CNTN1: variants seen among roughly 807,000 people sequenced by gnomAD.
The protein encoded by CNTN1 is contactin-1.
In CNTN1, 38 loss-of-function variants were observed where a neutral mutation model predicts 126.4. That is an observed-to-expected ratio of 0.30 (90% CI 0.23 to 0.39). CNTN1 has a LOEUF of 0.39. Ranked by LOEUF, CNTN1 falls within the 10% of genes least tolerant of loss-of-function variation. CNTN1 has a pLI of 1.00. For missense variants in CNTN1, 1,009 were observed against 1,248.4 expected, an observed-to-expected ratio of 0.81 and a Z score of 2.89; for synonymous variants, 413 against 422.6, an observed-to-expected ratio of 0.98 and a Z score of 0.28.
At chr12:41,047,891 C>G (rs1042635874) in intron 23 of CNTN1, among the ~76,000 whole-genome samples, 1 of 152,044 alleles carries the variant, frequency 6.6e-6, no homozygotes, top group Non-Finnish European at 1.5e-5. Context: ...TTACTCTTAC[C>G]TCTGGTACTC....
intron 22 of CNTN1, 137 bp from the exon 23 acceptor site, chr12:41,028,926 A>G (rs1949087832): frequency 2.3e-6 from 2 of 860,634 alleles, no homozygotes; most frequent in African/African-American, 1.7e-5. Flanking sequence ...CTAGTTTTAA[A>G]TTTAGTTTTT....
intron 1 of CNTN1, among the ~76,000 whole-genome samples, chr12:40,719,999 G>A (rs926856823): frequency 6.1e-5 from 9 of 147,082 alleles, no homozygotes; most frequent in Non-Finnish European, 1.0e-4. Context: ...ACCACGCCCG[G>A]TTAATTTTTT....
chr12:41,002,793 G>A (rs140621158), intron 17 of CNTN1, among the ~76,000 whole-genome samples: 697 of 152,126 alleles, frequency 4.6e-3, no homozygotes, highest in Non-Finnish European at 7.9e-3. Flanking sequence ...TCCTGACCTC[G>A]TGATCCGCCT....
At chr12:40,966,780 T>C (rs1175334779) in intron 15 of CNTN1, among the ~76,000 whole-genome samples, 3 of 152,210 alleles carry the variant, frequency 2.0e-5, no homozygotes, top group African/African-American at 4.8e-5. Flanking sequence ...AAGATAGGTC[T>C]TGAAAATTAT....
intron 1 of CNTN1, among the ~76,000 whole-genome samples, chr12:40,870,211 TC>T (rs1344836838): frequency 1.4e-5 from 2 of 141,106 alleles, no homozygotes; most frequent in Admixed American, 7.0e-5. Flanking sequence ...TATGTCTTTA[TC>T]AGCAGCATAA....
chr12:40,823,681 T>C (rs1941520489), intron 1 of CNTN1, among the ~76,000 whole-genome samples: 1 of 152,142 alleles, frequency 6.6e-6, no homozygotes, highest in African/African-American at 2.4e-5. Flanking sequence ...CCATCTTCTT[T>C]TCACTTTACA....
intron 21 of CNTN1, 88 bp from the exon 22 acceptor site, chr12:41,027,769 A>G: frequency 1.2e-6 from 1 of 836,644 alleles, no homozygotes; most frequent in East Asian, 2.5e-5. Context: ...GGTCATTATC[A>G]TCAGCATTAT....
intron 1 of CNTN1, among the ~76,000 whole-genome samples, chr12:40,874,737 G>A (rs942258945): frequency 1.3e-5 from 2 of 152,088 alleles, no homozygotes; most frequent in Non-Finnish European, 2.9e-5. Context: ...TATTATTGAT[G>A]TATATTTAGG....
At chr12:40,718,426 G>A (rs61915101) in intron 1 of CNTN1, among the ~76,000 whole-genome samples, 26,178 of 151,860 alleles carry the variant, frequency 0.17, 2,549 homozygotes, top group Middle Eastern at 0.26. Flanking sequence ...TAATCCGCCC[G>A]CCTGGGCCTC....
chr12:41,007,095 T>C (rs939427981), intron 17 of CNTN1, among the ~76,000 whole-genome samples: 1 of 128,582 alleles, frequency 7.8e-6, no homozygotes, highest in African/African-American at 3.1e-5. Flanking sequence ...AGTCTCGCTC[T>C]GTCGCCCAGG....
At chr12:40,990,404 G>A (rs1948071227) in intron 16 of CNTN1, among the ~76,000 whole-genome samples, 1 of 152,088 alleles carries the variant, frequency 6.6e-6, no homozygotes, top group Non-Finnish European at 1.5e-5. Flanking sequence ...GGACCAAGGG[G>A]TTCTTCCTAG....
At chr12:40,747,339 C>G (rs1317703241) in intron 1 of CNTN1, among the ~76,000 whole-genome samples, 2 of 61,512 alleles carry the variant, frequency 3.3e-5, no homozygotes, top group Non-Finnish European at 6.9e-5. Context: ...GTGTTAGTGA[C>G]TATTTTAGAT....
chr12:40,709,658 A>G (rs1941860763), intron 1 of CNTN1, among the ~76,000 whole-genome samples: 1 of 152,204 alleles, frequency 6.6e-6, no homozygotes, highest in Admixed American at 6.5e-5. Context: ...GATCTTCTGA[A>G]TAACTTGTTG....
chr12:40,838,770 G>T (rs752245176), intron 1 of CNTN1, among the ~76,000 whole-genome samples: 13 of 152,078 alleles, frequency 8.5e-5, no homozygotes, highest in Non-Finnish European at 1.9e-4. Flanking sequence ...CTTAGGAAAA[G>T]TTCTCCCCTA....
At chr12:40,901,238 A>C (rs1944593638) in intron 1 of CNTN1, among the ~76,000 whole-genome samples, 1 of 152,214 alleles carries the variant, frequency 6.6e-6, no homozygotes, top group Non-Finnish European at 1.5e-5. Flanking sequence ...TCTATGTTTT[A>C]GTAGTTTTTT....
chr12:40,977,490 G>T (rs1947708162), intron 15 of CNTN1, among the ~76,000 whole-genome samples: 1 of 152,022 alleles, frequency 6.6e-6, no homozygotes, highest in Non-Finnish European at 1.5e-5. Flanking sequence ...GTTCCTTTCA[G>T]ATGGCTGGGG....
intron 1 of CNTN1, among the ~76,000 whole-genome samples, chr12:40,768,630 C>A (rs150783813): frequency 6.6e-6 from 1 of 152,148 alleles, no homozygotes; most frequent in Non-Finnish European, 1.5e-5. Context: ...CACAGAAAAG[C>A]CTTTAATTCC....
chr12:40,939,536 A>G (rs1406259335), intron 12 of CNTN1, 51 bp downstream of exon 12: 22 of 1,594,868 alleles, frequency 1.4e-5, no homozygotes, highest in Non-Finnish European at 1.8e-5. Flanking sequence ...GAAAAAGTTT[A>G]TTTTATAGAA....
chr12:40,754,935 G>A (rs1938541214), intron 1 of CNTN1, among the ~76,000 whole-genome samples: 1 of 151,776 alleles, frequency 6.6e-6, no homozygotes, highest in Non-Finnish European at 1.5e-5. Flanking sequence ...GAGGCTGGGT[G>A]CTGTAATCCC....
Sources: gnomAD v4.1 joint callset for allele counts (sites outside exome capture counted in the v4.1 genomes callset) on GRCh38, gnomAD v4.1.1 for gene constraint, MANE v1.5 for transcripts, NCBI Gene and HGNC (gene_info 2026-07-23, HGNC 2026-07-21) for gene names.